Variants in MRTFA observed in about 807,000 individuals in gnomAD.
MRTFA encodes myocardin related transcription factor A.
MRTFA carries 20 observed loss-of-function variants against 83.5 expected under a neutral mutation model. The ratio of observed to expected loss-of-function variants is 0.24; its 90% CI spans 0.17 to 0.35. The LOEUF is 0.35. Among genes scored for constraint, MRTFA ranks in the 10% least tolerant of loss-of-function variants. The pLI is 1.00. For missense variants in MRTFA, 1,200 were observed against 1,224.7 expected, an observed-to-expected ratio of 0.98 and a Z score of 0.30; for synonymous variants, 659 against 541.2, an observed-to-expected ratio of 1.22 and a Z score of -3.02.
chr22:40,468,971 T>C (rs1265838646), intron 3 of MRTFA, among the ~76,000 whole-genome samples: 1 of 152,218 alleles, frequency 6.6e-6, no homozygotes, highest in Non-Finnish European at 1.5e-5. Flanking sequence ...AGCCCCAGTA[T>C]ACTAGAAAGT....
intron 3 of MRTFA, among the ~76,000 whole-genome samples, chr22:40,494,770 A>G (rs1473384084): frequency 6.6e-6 from 1 of 152,194 alleles, no homozygotes; most frequent in African/African-American, 2.4e-5. Flanking sequence ...TACAGGAAAC[A>G]ACACTGATGA....
intron 1 of MRTFA, among the ~76,000 whole-genome samples, chr22:40,613,364 G>A (rs1166479423): frequency 6.6e-6 from 1 of 152,168 alleles, no homozygotes; most frequent in Non-Finnish European, 1.5e-5. Context: ...CCTAAGAGTA[G>A]TATTGCTAAA....
chr22:40,622,490 A>AAAAAAAAG lies in MRTFA; in HGVS notation c.-84+13987_-84+13988insCTTTTTTT, dbSNP rs1372207252. ...AGCGAGACTCCCATCTCAAAAAAAA[A>AAAAAAAAG]AAGAATTATCCAGGTGGGCTCTAAG... On this transcript the variant is annotated intron_variant, in intron 1 of 14. Coordinates refer to ENST00000355630, the MANE Select transcript of MRTFA (RefSeq NM_020831.6). 7.9e-5 allele frequency among the ~76,000 whole-genome samples: 12 copies of AAAAAAAAG among 151,984 alleles called. 1 individual carries two copies. The highest frequency in any genetic ancestry group is 2.7e-4 in the African/African-American group (11 of 41,378).
At chr22:40,544,723 G>A (rs945416379) in intron 3 of MRTFA, among the ~76,000 whole-genome samples, 1 of 152,072 alleles carries the variant, frequency 6.6e-6, no homozygotes, top group Admixed American at 6.6e-5. Flanking sequence ...TCACAAAAGA[G>A]GAAATACAGG....
At chr22:40,542,005 T>G (rs905047752) in intron 3 of MRTFA, among the ~76,000 whole-genome samples, 1 of 151,906 alleles carries the variant, frequency 6.6e-6, no homozygotes, top group African/African-American at 2.4e-5. Context: ...TTTAAAGATT[T>G]TTATTTATTT....
intron 4 of MRTFA, among the ~76,000 whole-genome samples, chr22:40,461,757 C>T (rs889573822): frequency 6.6e-6 from 1 of 151,744 alleles, no homozygotes; most frequent in Non-Finnish European, 1.5e-5. Context: ...CCAGATTATG[C>T]CACTGCACTC....
intron 2 of MRTFA, among the ~76,000 whole-genome samples, chr22:40,567,337 C>A (rs1324359703): frequency 6.6e-6 from 1 of 152,086 alleles, no homozygotes; most frequent in Non-Finnish European, 1.5e-5. Context: ...CAAATGTGTT[C>A]CAATTTTTAA....
At chr22:40,459,822 C>CATATATATATATAT (rs1284924516) in intron 4 of MRTFA, among the ~76,000 whole-genome samples, 11 of 68,250 alleles carry the variant, frequency 1.6e-4, no homozygotes, top group African/African-American at 2.6e-4. Context: ...CACACACACA[C>CATATATATATATAT]ATATATACAT....
chr22:40,529,871 C>T (rs115876267), intron 3 of MRTFA, among the ~76,000 whole-genome samples: 2,468 of 152,286 alleles, frequency 0.016, 66 homozygotes, highest in African/African-American at 0.057. Flanking sequence ...CCCCAGTTCT[C>T]TATTCCCCTT....
At chr22:40,506,695 C>T (rs1422823171) in intron 3 of MRTFA, among the ~76,000 whole-genome samples, 1 of 152,156 alleles carries the variant, frequency 6.6e-6, no homozygotes, top group Non-Finnish European at 1.5e-5. Context: ...TCAACTAGCT[C>T]ATTCTGACTG....
At chr22:40,605,033 C>A (rs2056303062) in intron 1 of MRTFA, among the ~76,000 whole-genome samples, 1 of 152,120 alleles carries the variant, frequency 6.6e-6, no homozygotes, top group Non-Finnish European at 1.5e-5. Context: ...AAACACGAAT[C>A]ATTTATTTTT....
At chr22:40,426,381 C>T (rs537046759) in intron 7 of MRTFA, among the ~76,000 whole-genome samples, 21 of 152,294 alleles carry the variant, frequency 1.4e-4, no homozygotes, top group African/African-American at 5.1e-4. Flanking sequence ...TTGCATCCAG[C>T]CTGAAAATCC....
rs372378349 is a variant in MRTFA, at chr22:40,586,947, G to A, written c.-22+7727C>T. 1.1e-3 allele frequency: 497 copies of A among 444,816 alleles called. 3 individuals carry two copies. The highest frequency in any genetic ancestry group is 9.2e-3 in the African/African-American group (453 of 49,356). 27.6% of individuals were successfully genotyped at this position (444,816 alleles called of 1,614,324 possible). A position where few individuals can be genotyped will look rare whatever the true frequency, so the allele number is the denominator to read the frequency against. On this transcript the variant is annotated intron_variant, in intron 2 of 14. Coordinates refer to ENST00000355630, the MANE Select transcript of MRTFA (RefSeq NM_020831.6). ...TGGTGCTGCTGCTGCTGCTGCCACC[G>A]CCGCCGCTGCCTTATCCACCTGGAG...
chr22:40,446,484 CAGGCATG>C (rs2053380540), intron 4 of MRTFA, among the ~76,000 whole-genome samples: 1 of 152,066 alleles, frequency 6.6e-6, no homozygotes, highest in Non-Finnish European at 1.5e-5. Flanking sequence ...AACTCAAGGA[CAGGCATG>C]AAGAGAGCCC....
chr22:40,601,254 G>A (rs2056255885), intron 1 of MRTFA, among the ~76,000 whole-genome samples: 1 of 151,904 alleles, frequency 6.6e-6, no homozygotes, highest in African/African-American at 2.4e-5. Flanking sequence ...TTGCTCTATT[G>A]TGCAGACTGG....
intron 3 of MRTFA, among the ~76,000 whole-genome samples, chr22:40,548,738 C>T (rs1452008179): frequency 6.6e-6 from 1 of 151,256 alleles, no homozygotes; most frequent in Non-Finnish European, 1.5e-5. Context: ...GTGTTGCGCA[C>T]CTGTAGTCCC....
intron 1 of MRTFA, among the ~76,000 whole-genome samples, chr22:40,595,050 T>C (rs1200511483): frequency 6.6e-6 from 1 of 151,818 alleles, no homozygotes; most frequent in African/African-American, 2.4e-5. Context: ...TCATTTTATA[T>C]CCTTATATCC....
chr22:40,478,361 A>G (rs143733973), intron 3 of MRTFA, among the ~76,000 whole-genome samples: 1 of 152,276 alleles, frequency 6.6e-6, no homozygotes, highest in East Asian at 1.9e-4. Flanking sequence ...CAAATGTACC[A>G]TAGTTATGTA....
chr22:40,635,653 C>G (rs1243480172), intron 1 of MRTFA, among the ~76,000 whole-genome samples: 2 of 152,192 alleles, frequency 1.3e-5, no homozygotes, highest in African/African-American at 4.8e-5. Context: ...TAAAGGCACA[C>G]AGGCAAACCA....
Sources: gnomAD v4.1 joint callset for allele counts (sites outside exome capture counted in the v4.1 genomes callset) on GRCh38, gnomAD v4.1.1 for gene constraint, MANE v1.5 for transcripts, NCBI Gene and HGNC (gene_info 2026-07-23, HGNC 2026-07-21) for gene names.